TJP3: variants seen among roughly 807,000 people sequenced by gnomAD.
The protein encoded by TJP3 is tight junction protein 3.
TJP3 carries 85 observed loss-of-function variants against 104.2 expected under a neutral mutation model. That is an observed-to-expected ratio of 0.82 (90% CI 0.68 to 0.98). The LOEUF (loss-of-function observed/expected upper bound fraction) is 0.98, where lower values mean the gene tolerates loss of function less well. Ranked by LOEUF, TJP3 falls within the 50% of genes least tolerant of loss-of-function variation. The pLI is 0.00. For missense variants in TJP3, 1,367 were observed against 1,322.8 expected (o/e 1.03, Z -0.52); for synonymous variants, 550 against 550.6 (o/e 1.00, Z 0.02).
rs1271578746 is a variant in TJP3 at position 3,717,034 on chromosome 19, C to T, written c.-10+8473C>T. Among the ~76,000 whole-genome samples, 31 of 141,474 alleles carry T rather than the reference C, an allele frequency of 2.2e-4. No homozygotes were observed. In the East Asian group the frequency reaches 5.3e-3, roughly 24 times the overall value. The allele number at this position is 141,474 out of a possible 152,430, so 92.8% of individuals were successfully genotyped here. On this transcript the variant is annotated intron_variant, in intron 1 of 20. Coordinates refer to ENST00000541714, the MANE Select transcript of TJP3 (RefSeq NM_001267560.2). ...AGGCTGGAGTGCAATGGCCCGATTT[C>T]GGCTCACTGCAACCTCCGCCTCCCG...
At chr19:3,726,509 G>A (rs2036597059) in intron 1 of TJP3, among the ~76,000 whole-genome samples, 1 of 152,134 alleles carries the variant, frequency 6.6e-6, no homozygotes, top group African/African-American at 2.4e-5. Context: ...TGAGGCAGGA[G>A]AATCGCTTGA....
chr19:3,724,510 A>T (rs2036578143), intron 1 of TJP3, among the ~76,000 whole-genome samples: 1 of 151,486 alleles, frequency 6.6e-6, no homozygotes, highest in Non-Finnish European at 1.5e-5. Context: ...TGTCTCTTAA[A>T]GTCAGGAAAT....
chr19:3,724,967 G>A (rs75660232), intron 1 of TJP3, among the ~76,000 whole-genome samples: 9 of 152,158 alleles, frequency 5.9e-5, no homozygotes, highest in Non-Finnish European at 1.2e-4. Flanking sequence ...TGGTGGTTAA[G>A]AGCAAGAGTG....
At chr19:3,732,347 T>C (rs1018827839) in intron 6 of TJP3, among the ~76,000 whole-genome samples, 2 of 152,098 alleles carry the variant, frequency 1.3e-5, no homozygotes, top group Non-Finnish European at 2.9e-5. Flanking sequence ...CCTAGGTGAC[T>C]GGATGCTAAT....
chr19:3,735,516 T>C (rs1192648400), intron 8 of TJP3, 50 bp from the exon 9 acceptor site: 6 of 1,589,168 alleles, frequency 3.8e-6, no homozygotes, highest in Non-Finnish European at 5.2e-6. Context: ...CTTTTTAAAA[T>C]GGCCCCTTGA....
intron 1 of TJP3, among the ~76,000 whole-genome samples, chr19:3,721,022 C>CT (rs1462380059): frequency 9.3e-5 from 14 of 150,944 alleles, no homozygotes; most frequent in African/African-American, 1.2e-4. Context: ...ATTCTCCTTC[C>CT]TCAGCCTCCC....
chr19:3,721,533 T>G (rs2036541819), intron 1 of TJP3: 1 of 184,784 alleles, frequency 5.4e-6, no homozygotes, highest in Non-Finnish European at 1.1e-5. Flanking sequence ...CTGCCGGGTC[T>G]TGCTGGCAGC....
intron 1 of TJP3, among the ~76,000 whole-genome samples, chr19:3,717,039 C>T (rs1296827156): frequency 7.0e-6 from 1 of 143,706 alleles, no homozygotes; most frequent in Non-Finnish European, 1.5e-5. Flanking sequence ...GATTTCGGCT[C>T]ACTGCAACCT....
In TJP3 at chr19:3,735,957, A is replaced by C. The variant is rs1187469135; in HGVS notation, c.1127+22A>C. The C allele has an allele frequency of 1.3e-5, 21 of 1,613,886 alleles. No homozygotes were observed. The East Asian group carries it at 4.7e-4, about 36-fold the overall frequency. On this transcript the variant is annotated intron_variant, in intron 10 of 20. Transcript: ENST00000541714. ...GTGGGTATGTACCCCAGAAGAAAGC[A>C]AACCCGCTCAAAACTCCTACATCCC... is the stretch of plus-strand genomic sequence containing the variant.
At position 3,750,669 on chromosome 19, in the gene TJP3, G is replaced by A. The variant is rs748842822; in HGVS notation, c.2745G>A (p.Pro915=). 5.6e-6 allele frequency: 9 copies of A among 1,601,744 alleles called. No individual in the cohort carries two copies. Among genetic ancestry groups the A allele is most frequent in the Admixed American group, 1.7e-5 (1 of 58,090 alleles). ...ATGAAGACGGCTATGACTGGGGTCC[G>A]GCCACTGACCTGTGACCTCTCGAAG... ...SSDEDGYDWG[P]ATDL The change falls in exon 21 of 21, where the codon CCG becomes CCA. Residue 915 remains proline (P), a synonymous_variant. Coordinates refer to ENST00000541714, the MANE Select transcript of TJP3 (RefSeq NM_001267560.2).
intron 14 of TJP3, among the ~76,000 whole-genome samples, chr19:3,742,606 T>C (rs1321544575): frequency 1.2e-5 from 1 of 81,250 alleles, no homozygotes; most frequent in Non-Finnish European, 2.6e-5. Context: ...CCTTTGACAC[T>C]GTCATCGCGC....
rs528707396 is a variant in TJP3 at position 3,730,702 on chromosome 19, C to T, written c.609C>T (p.Ser203=). 13 of 1,605,812 alleles carry T rather than the reference C, an allele frequency of 8.1e-6. No individual in the cohort carries two copies. In the South Asian group the frequency reaches 8.8e-5, roughly 11 times the overall value. Residue 203 remains serine (S), a synonymous_variant, in exon 5 of 21, where the codon AGC becomes AGT. Transcript: ENST00000541714. This position sits in a 1 kb window ranked among gnomAD's most constrained non-coding sequence, Gnocchi z 7.3. ...VKSVLVKRRD[S]EEFGVKLGSQ... ...CAGTGCTGGTGAAGAGGAGAGACAG[C>T]GAAGGTCAGAAGAGGCGGGAGGTCG...
chr19:3,712,275 C>G (rs2036441101), intron 1 of TJP3, among the ~76,000 whole-genome samples: 1 of 152,174 alleles, frequency 6.6e-6, no homozygotes, highest in Non-Finnish European at 1.5e-5. Context: ...GGGATCGCAC[C>G]ACTGCACTCC....
intron 1 of TJP3, among the ~76,000 whole-genome samples, chr19:3,720,030 C>T (rs2036527839): frequency 6.6e-6 from 1 of 152,192 alleles, no homozygotes; most frequent in Non-Finnish European, 1.5e-5. Context: ...CAGGAGTGAG[C>T]CATTGTGCCT....
chr19:3,732,309 C>T (rs953214838), intron 6 of TJP3, among the ~76,000 whole-genome samples: 13 of 152,104 alleles, frequency 8.5e-5, no homozygotes, highest in African/African-American at 1.9e-4. Context: ...ATCAGAGACT[C>T]ATGTGGGCAG....
intron 1 of TJP3, among the ~76,000 whole-genome samples, chr19:3,722,587 G>C (rs1273215293): frequency 6.7e-6 from 1 of 150,292 alleles, no homozygotes; most frequent in East Asian, 2.0e-4. Flanking sequence ...GGGGCGGGGC[G>C]GGGGGCGATC....
intron 14 of TJP3, among the ~76,000 whole-genome samples, chr19:3,743,217 T>C (rs1244428997): frequency 6.6e-6 from 1 of 152,078 alleles, no homozygotes; most frequent in Non-Finnish European, 1.5e-5. Context: ...TGAGCCAAGA[T>C]TGCGCCACTG....
chr19:3,713,861 G>A (rs1383174546), intron 1 of TJP3, among the ~76,000 whole-genome samples: 2 of 149,128 alleles, frequency 1.3e-5, no homozygotes, highest in Non-Finnish European at 3.0e-5. Context: ...GACTACAGGC[G>A]CCCGCCAACA....
intron 8 of TJP3, among the ~76,000 whole-genome samples, chr19:3,734,791 C>T (rs2036717702): frequency 6.6e-6 from 1 of 152,120 alleles, no homozygotes; most frequent in Non-Finnish European, 1.5e-5. Context: ...CCTGTCTCTA[C>T]TAAGATACCA....
Sources: gnomAD v4.1 joint callset for allele counts (sites outside exome capture counted in the v4.1 genomes callset) on GRCh38, gnomAD v4.1.1 for gene constraint, Gnocchi (gnomAD v3.1) non-coding constraint, MANE v1.5 for transcripts, NCBI Gene and HGNC (gene_info 2026-07-23, HGNC 2026-07-21) for gene names.